Variants in RANBP17 observed in about 807,000 individuals in gnomAD.
The protein encoded by RANBP17 is RAN binding protein 17, also known as ran-binding protein 17.
A neutral mutation model predicts 141.2 loss-of-function variants in RANBP17; 158 were observed. The ratio of observed to expected loss-of-function variants is 1.12; its 90% CI spans 0.98 to 1.28. The LOEUF is 1.28. Among genes scored for constraint, RANBP17 ranks in the 50% most tolerant of loss-of-function variants. The pLI is 0.00. For missense variants in RANBP17, 1,438 were observed against 1,290.7 expected (o/e 1.11, Z -1.75); for synonymous variants, 430 against 450.0 (o/e 0.96, Z 0.56).
chr5:171,229,345 G>A (rs1328361864), intron 22 of RANBP17, among the ~76,000 whole-genome samples: 1 of 152,168 alleles, frequency 6.6e-6, no homozygotes, highest in African/African-American at 2.4e-5. Flanking sequence ...TTAGATTTCA[G>A]TGGATTCCTT....
At chr5:171,126,895 T>C (rs1233673143) in intron 14 of RANBP17, among the ~76,000 whole-genome samples, 4 of 152,166 alleles carry the variant, frequency 2.6e-5, no homozygotes, top group South Asian at 2.1e-4. Flanking sequence ...ACCAAACTTA[T>C]AAAGATGATC....
rs1190297314 is a variant in RANBP17, at chr5:170,878,383, C to CA, written c.165+143dup. ...TTTTGTGAAACTATAGTTTCACTGTCAAAGGGGTTAATCAGGAAAAGAATT... is the reference window on the plus strand; with the variant it reads ...TTTTGTGAAACTATAGTTTCACTGTCAAAAGGGGTTAATCAGGAAAAGAATT... On this transcript the variant is annotated intron_variant, in intron 2 of 27. Transcript: ENST00000523189. The CA allele has an allele frequency of 4.6e-6, 3 of 646,668 alleles. No individual in the cohort carries two copies. In the African/African-American group the frequency reaches 5.6e-5, roughly 12 times the overall value. The allele number at this position is 646,668 out of a possible 1,614,324, so 40.1% of individuals were successfully genotyped here.
chr5:171,054,045 G>A (rs887821102), intron 14 of RANBP17, among the ~76,000 whole-genome samples: 4 of 151,284 alleles, frequency 2.6e-5, no homozygotes, highest in African/African-American at 7.3e-5. Context: ...TATGTATTCT[G>A]ATATTTGAAT....
At chr5:171,176,458 A>G (rs1760488090) in intron 16 of RANBP17, among the ~76,000 whole-genome samples, 1 of 152,186 alleles carries the variant, frequency 6.6e-6, no homozygotes, top group Non-Finnish European at 1.5e-5. Context: ...GCAAATATTT[A>G]TTAAGCATTT....
intron 9 of RANBP17, 60 bp from the exon 10 acceptor site, chr5:170,918,653 T>C (rs1772174289): frequency 7.2e-7 from 1 of 1,388,938 alleles, no homozygotes; most frequent in African/African-American, 1.5e-5. Flanking sequence ...GGGGTTTTAC[T>C]GATTTTATTG....
At chr5:171,111,249 T>G (rs1253352012) in intron 14 of RANBP17, among the ~76,000 whole-genome samples, 1 of 152,190 alleles carries the variant, frequency 6.6e-6, no homozygotes, top group Non-Finnish European at 1.5e-5. Flanking sequence ...TACTCATCTT[T>G]CTTACTCAGT....
At chr5:170,904,083 A>G in intron 5 of RANBP17, 2 of 439,632 alleles carry the variant, frequency 4.5e-6, no homozygotes, top group Non-Finnish European at 8.9e-6. Flanking sequence ...CTGTGTGCTC[A>G]TGGTTAGAGG....
chr5:171,091,451 C>T (rs950538870), intron 14 of RANBP17, among the ~76,000 whole-genome samples: 36 of 152,158 alleles, frequency 2.4e-4, no homozygotes, highest in African/African-American at 8.4e-4. Context: ...AGGGTCTTGT[C>T]TCCTCTTGGA....
chr5:170,912,728 A>G (rs1386920241), intron 7 of RANBP17, among the ~76,000 whole-genome samples: 3 of 151,836 alleles, frequency 2.0e-5, no homozygotes, highest in South Asian at 2.1e-4. Flanking sequence ...AAACTAGAAG[A>G]TGAAATTAAG....
chr5:171,277,637 GTATATATATATA>G (rs70982330), intron 25 of RANBP17, among the ~76,000 whole-genome samples: 1,269 of 56,928 alleles, frequency 0.022, 104 homozygotes, highest in Middle Eastern at 0.047. Flanking sequence ...ATATATGTAT[GTATATATATATA>G]TATATATATA....
intron 25 of RANBP17, among the ~76,000 whole-genome samples, chr5:171,290,731 A>G (rs995124083): frequency 2.6e-5 from 4 of 152,164 alleles, no homozygotes; most frequent in African/African-American, 7.2e-5. Flanking sequence ...ACAAAGTTAG[A>G]TAGTTGTGAA....
chr5:171,263,408 C>T (rs1174509464), intron 24 of RANBP17, among the ~76,000 whole-genome samples: 2 of 152,212 alleles, frequency 1.3e-5, no homozygotes, highest in Admixed American at 1.3e-4. Flanking sequence ...TGATAAGCAA[C>T]TTAATCTCTA....
intron 14 of RANBP17, among the ~76,000 whole-genome samples, chr5:171,109,558 A>G (rs908642525): frequency 6.6e-6 from 1 of 152,194 alleles, no homozygotes; most frequent in Non-Finnish European, 1.5e-5. Flanking sequence ...TTGGTCACTT[A>G]TATAGAATGG....
At chr5:171,059,109 A>G (rs1265337432) in intron 14 of RANBP17, among the ~76,000 whole-genome samples, 2 of 150,540 alleles carry the variant, frequency 1.3e-5, no homozygotes, top group Non-Finnish European at 3.0e-5. Flanking sequence ...CCCATTTTGT[A>G]GGTTGCCTGT....
chr5:171,015,394 C>T (rs1314831954), intron 14 of RANBP17, among the ~76,000 whole-genome samples: 2 of 151,990 alleles, frequency 1.3e-5, no homozygotes, highest in Non-Finnish European at 2.9e-5. Context: ...TTACTAATAC[C>T]TTCCTCCACA....
rs372344884 is a variant in RANBP17, at chr5:170,888,918, A to G, written c.257-3469A>G. ...TTTTCATCTCATTCATCACCATTCAACATCAATGGATGTTGAATTTTGTCA... is the reference window on the plus strand; with the variant it reads ...TTTTCATCTCATTCATCACCATTCAGCATCAATGGATGTTGAATTTTGTCA... On this transcript the variant is annotated intron_variant, in intron 3 of 27. Coordinates refer to ENST00000523189, the MANE Select transcript of RANBP17 (RefSeq NM_022897.5). 4.1e-4 allele frequency among the ~76,000 whole-genome samples: 63 copies of G among 152,112 alleles called. 1 individual carries two copies. In the South Asian group the frequency reaches 0.013, roughly 31 times the overall value.
intron 14 of RANBP17, among the ~76,000 whole-genome samples, chr5:171,058,319 A>AC (rs1333256630): frequency 1.7e-5 from 1 of 60,500 alleles, no homozygotes; most frequent in Non-Finnish European, 2.9e-5. Flanking sequence ...CCCTCCCCCC[A>AC]CCCCACAACA....
chr5:171,160,426 A>C (rs1759262745), intron 14 of RANBP17, among the ~76,000 whole-genome samples: 1 of 152,218 alleles, frequency 6.6e-6, no homozygotes, highest in Admixed American at 6.5e-5. Context: ...AATACTTATG[A>C]AAATTTTACT....
intron 5 of RANBP17, among the ~76,000 whole-genome samples, chr5:170,909,042 A>T (rs1210347620): frequency 6.6e-6 from 1 of 151,896 alleles, no homozygotes; most frequent in Admixed American, 6.6e-5. Flanking sequence ...ATAATTTTGA[A>T]TATACTACAT....
Sources: allele counts gnomAD v4.1 joint callset (sites outside exome capture counted in the v4.1 genomes callset), GRCh38; gene constraint gnomAD v4.1.1; transcripts MANE v1.5; gene names NCBI Gene and HGNC (gene_info 2026-07-23, HGNC 2026-07-21).